The following TUBGCP4 variants were observed in gnomAD, a reference collection of about 807,000 sequenced individuals.
TUBGCP4 encodes the protein gamma-tubulin complex component 4.
A neutral mutation model predicts 91.6 loss-of-function variants in TUBGCP4; 54 were observed. The ratio of observed to expected loss-of-function variants is 0.59; its 90% CI spans 0.47 to 0.74. The LOEUF is 0.74. Among genes scored for constraint, TUBGCP4 ranks in the 30% least tolerant of loss-of-function variants. TUBGCP4 has a pLI of 0.00. For synonymous variants in TUBGCP4, 297 were observed against 302.8 expected (o/e 0.98, Z 0.20); for missense variants, 593 against 800.9 (o/e 0.74, Z 3.13).
chr15:43,373,624 T>G (rs917706169), intron 1 of TUBGCP4, among the ~76,000 whole-genome samples: 1 of 151,886 alleles, frequency 6.6e-6, no homozygotes, highest in Non-Finnish European at 1.5e-5. Flanking sequence ...ACCCAGGCAG[T>G]TGGGCTCCAG....
At chr15:43,397,185 CCT>C (rs2044595859) in intron 11 of TUBGCP4, 27 bp from the exon 12 acceptor site, 2 of 1,566,492 alleles carry the variant, frequency 1.3e-6, no homozygotes, top group Non-Finnish European at 1.8e-6. Flanking sequence ...GCCAAGCGTC[CCT>C]GTCAGCCTGC....
At chr15:43,401,670 T>C (rs1440789132) in intron 14 of TUBGCP4, 46 bp from the exon 15 acceptor site, 6 of 1,600,978 alleles carry the variant, frequency 3.7e-6, no homozygotes, top group African/African-American at 1.3e-5. Flanking sequence ...TGTCTTCGAG[T>C]GCTTAGAATA....
intron 6 of TUBGCP4, among the ~76,000 whole-genome samples, chr15:43,380,578 C>T (rs907783823): frequency 6.6e-6 from 1 of 152,104 alleles, no homozygotes; most frequent in Non-Finnish European, 1.5e-5. Context: ...GAATTTTATC[C>T]TAACAAAACT....
Position 43,401,986 on chromosome 15 carries a change from AAAGC to A in TUBGCP4, c.1731+137_1731+140del, listed in dbSNP as rs2044691537. On this transcript the variant is annotated intron_variant, in intron 15 of 17. Coordinates refer to ENST00000564079, the MANE Select transcript of TUBGCP4 (RefSeq NM_014444.5). The stretch of plus-strand genomic sequence containing the variant: ...TTTAAAACATTTTTTAAGAATGTGT[AAAGC>A]GGCGGGGCATGGTGGCTCATGCCTG... 6 of 1,198,634 alleles carry A rather than the reference AAAGC, an allele frequency of 5.0e-6. No homozygotes were observed. The South Asian group carries it at 9.3e-5, about 19-fold the overall frequency. 74.2% of individuals were successfully genotyped at this position (1,198,634 alleles called of 1,614,324 possible). A position where few individuals can be genotyped will look rare whatever the true frequency, so the allele number is the denominator to read the frequency against.
rs1595507332 is a variant in TUBGCP4 at position 43,405,089 on chromosome 15, T to A, written c.1989-113T>A. The A allele has an allele frequency of 7.2e-6, 9 of 1,250,782 alleles. No homozygotes were observed. The East Asian group carries it at 1.7e-4, about 23-fold the overall frequency. The allele number at this position is 1,250,782 out of a possible 1,614,324, so 77.5% of individuals were successfully genotyped here. On this transcript the variant is annotated intron_variant, in intron 17 of 17. Coordinates refer to ENST00000564079, the MANE Select transcript of TUBGCP4 (RefSeq NM_014444.5). ...TTGTAGCAGAAGAGTCAAAAGAAAC[T>A]CTTCAGTTTTAAGATGACATTATTT...
intron 14 of TUBGCP4, among the ~76,000 whole-genome samples, chr15:43,400,646 T>C (rs995477485): frequency 2.6e-5 from 4 of 151,970 alleles, no homozygotes; most frequent in Non-Finnish European, 5.9e-5. Context: ...CGAGGTGTCA[T>C]GGGTCACGTC....
At position 43,404,446 on chromosome 15, in the gene TUBGCP4, A is replaced by AT. The variant is rs1374834390; in HGVS notation, c.1884dup (p.Leu629SerfsTer23). 1 of 1,614,138 alleles carries AT rather than the reference A, an allele frequency of 6.2e-7. No homozygotes were observed. On this transcript the variant is annotated frameshift_variant, in exon 17 of 18. Transcript: ENST00000564079. LOFTEE classifies it high-confidence loss of function. The stretch of plus-strand genomic sequence containing the variant: ...CCGCCAGTCTTCACTCCTGTTCAAG[A>AT]TTCTCTCCAGTGTTCGGAATCATCA...
At chr15:43,394,565 AC>A (rs1427369011) in intron 9 of TUBGCP4, 1 of 152,174 alleles carries the variant, frequency 6.6e-6, no homozygotes, top group East Asian at 1.9e-4. Flanking sequence ...TCAGTTTTAT[AC>A]CCAGGTCTAT....
intron 1 of TUBGCP4, among the ~76,000 whole-genome samples, chr15:43,375,144 C>T (rs936867806): frequency 6.6e-6 from 1 of 152,254 alleles, no homozygotes; most frequent in African/African-American, 2.4e-5. Flanking sequence ...CTCAGGTGAT[C>T]CACCTGCCTC....
In TUBGCP4 at chr15:43,409,151, A is replaced by G; in HGVS notation, c.*3937A>G. The G allele has an allele frequency of 6.5e-7, 1 of 1,540,762 alleles. No homozygotes were observed. Among genetic ancestry groups the G allele is most frequent in the East Asian group, 2.3e-5 (1 of 44,408 alleles). On this transcript the variant is annotated 3_prime_UTR_variant, in exon 18 of 18. Coordinates refer to ENST00000564079, the MANE Select transcript of TUBGCP4 (RefSeq NM_014444.5). ...TTGGTGACTTCTGTGGAAAGCTCCT[A>G]AGCAGCAGCCATAATGAGCCATGAA...
intron 10 of TUBGCP4, 109 bp downstream of exon 10, chr15:43,395,266 A>T (rs1208055761): frequency 8.1e-7 from 1 of 1,238,160 alleles, no homozygotes; most frequent in African/African-American, 1.5e-5. Flanking sequence ...TTCCAGAGTC[A>T]ACTCATTTGT....
Position 43,377,837 on chromosome 15 carries a change from T to C in TUBGCP4, c.385-10T>C. On this transcript the variant is annotated splice_polypyrimidine_tract_variant and intron_variant, in intron 4 of 17. Transcript: ENST00000564079. ...ATTACATACCCTTCTAATTATTCTC[T>C]ACTTTGCAGTTCCAGCTTCTTTTTC... The C allele has an allele frequency of 6.3e-7, 1 of 1,596,414 alleles. No homozygotes were observed. The highest frequency in any genetic ancestry group is 1.8e-5 in the Admixed American group (1 of 56,070).
chr15:43,385,067 T>C (rs1264731666), intron 7 of TUBGCP4, among the ~76,000 whole-genome samples: 1 of 152,164 alleles, frequency 6.6e-6, no homozygotes, highest in African/African-American at 2.4e-5. Context: ...GATAGGGGTG[T>C]ATACTGCTGG....
At position 43,401,699 on chromosome 15, in the gene TUBGCP4, T is replaced by C; in HGVS notation, c.1597-17T>C. The stretch of plus-strand genomic sequence containing the variant: ...TAGAATATGCAAAGTGCTAAAATTT[T>C]TTGTAATGTCTATCAGGTAGATGTG... On this transcript the variant is annotated splice_polypyrimidine_tract_variant and intron_variant, in intron 14 of 17. Transcript: ENST00000564079. 1.2e-6 allele frequency: 2 copies of C among 1,612,752 alleles called. No individual in the cohort carries two copies. Among genetic ancestry groups the C allele is most frequent in the Non-Finnish European group, 1.7e-6 (2 of 1,179,554 alleles).
At chr15:43,378,459 T>C (rs557511721) in intron 5 of TUBGCP4, among the ~76,000 whole-genome samples, 1 of 152,354 alleles carries the variant, frequency 6.6e-6, no homozygotes, top group Admixed American at 6.5e-5. Context: ...TGCTGTCCTA[T>C]TGAATTGGTC....
intron 2 of TUBGCP4, 22 bp downstream of exon 2, chr15:43,376,248 T>G: frequency 1.2e-6 from 2 of 1,612,384 alleles, no homozygotes; most frequent in Non-Finnish European, 1.7e-6. Context: ...TCTCTGTGGG[T>G]GTACACCTCT....
At chr15:43,393,515 A>G (rs1566897976) in intron 9 of TUBGCP4, among the ~76,000 whole-genome samples, 5 of 151,876 alleles carry the variant, frequency 3.3e-5, no homozygotes, top group Admixed American at 2.0e-4. Flanking sequence ...TTACATATGT[A>G]TACATGTGCC....
Position 43,407,646 on chromosome 15 carries a change from T to A in TUBGCP4, c.*2432T>A. On this transcript the variant is annotated 3_prime_UTR_variant, in exon 18 of 18. Coordinates refer to ENST00000564079, the MANE Select transcript of TUBGCP4 (RefSeq NM_014444.5). ...TCCATTAGAAAGAGAGATTTGATTC[T>A]AACCAATACATCCCACTCTGCACAA... 1 of 1,389,192 alleles carries A rather than the reference T, an allele frequency of 7.2e-7. No individual in the cohort carries two copies. Among genetic ancestry groups the A allele is most frequent in the East Asian group, 2.4e-5 (1 of 41,450 alleles). The allele number at this position is 1,389,192 out of a possible 1,614,324, so 86.1% of individuals were successfully genotyped here.
At chr15:43,389,765 A>T (rs999991797) in intron 9 of TUBGCP4, among the ~76,000 whole-genome samples, 1 of 152,132 alleles carries the variant, frequency 6.6e-6, no homozygotes, top group African/African-American at 2.4e-5. Flanking sequence ...TGGTTTAATG[A>T]ACTCACAGTT....
Sources: gnomAD v4.1 joint callset for allele counts (sites outside exome capture counted in the v4.1 genomes callset) on GRCh38, gnomAD v4.1.1 for gene constraint, MANE v1.5 for transcripts, NCBI Gene and HGNC (gene_info 2026-07-23, HGNC 2026-07-21) for gene names.